The following SEC23B variants were observed in gnomAD, a reference collection of about 807,000 sequenced individuals.
The protein encoded by SEC23B is protein transport protein Sec23B.
A neutral mutation model predicts 104.3 loss-of-function variants in SEC23B; 77 were observed. The observed-to-expected ratio is 0.74, with a 90% CI of 0.61 to 0.89. The LOEUF (loss-of-function observed/expected upper bound fraction) is 0.89. SEC23B is among the 40% of genes least tolerant of loss of function. The pLI is 0.00. For synonymous variants in SEC23B, 338 were observed against 332.5 expected, an observed-to-expected ratio of 1.02 and a Z score of -0.18; for missense variants, 885 against 949.4, an observed-to-expected ratio of 0.93 and a Z score of 0.89.
chr20:18,523,895 T>A (rs375689798), intron 4 of SEC23B, among the ~76,000 whole-genome samples: 10 of 152,300 alleles, frequency 6.6e-5, no homozygotes, highest in African/African-American at 2.4e-4. Context: ...ATATTTTTTT[T>A]TGTTAGAGAC....
intron 19 of SEC23B, among the ~76,000 whole-genome samples, chr20:18,556,335 T>G (rs2060438397): frequency 6.6e-6 from 1 of 151,500 alleles, no homozygotes; most frequent in Non-Finnish European, 1.5e-5. Context: ...TATTAGGGAC[T>G]TGAGCATTTG....
chr20:18,560,378 C>G (rs1022273372), intron 19 of SEC23B, among the ~76,000 whole-genome samples: 2 of 152,104 alleles, frequency 1.3e-5, no homozygotes, highest in African/African-American at 4.8e-5. Flanking sequence ...GGTACTTCAT[C>G]AGGACTATGG....
chr20:18,553,006 C>T (rs1378076160), intron 17 of SEC23B, among the ~76,000 whole-genome samples: 1 of 152,112 alleles, frequency 6.6e-6, no homozygotes, highest in Non-Finnish European at 1.5e-5. Context: ...GGTCTTGGAA[C>T]CAATCTCACA....
chr20:18,554,380 G>T lies in SEC23B; in HGVS notation c.2138G>T (p.Gly713Val). 1.9e-6 allele frequency: 3 copies of T among 1,614,190 alleles called. No individual in the cohort carries two copies. The highest frequency in any genetic ancestry group is 2.5e-6 in the Non-Finnish European group (3 of 1,180,044). The part of the protein sequence containing the change: ...PMPRYINTEH[G>V]GSQARFLLSK... ...CCACGTTACATCAACACGGAGCATG[G>T]AGGCAGTCAGGTGAGTGAGCTGAGT... Residue 713 changes from glycine (G) to valine (V), a missense_variant, in exon 18 of 20, where the codon GGA (glycine) becomes GTA (valine). Transcript: ENST00000650089.
chr20:18,532,781 C>T (rs748556942), intron 11 of SEC23B, 37 bp downstream of exon 11: 3 of 1,442,972 alleles, frequency 2.1e-6, no homozygotes, highest in Non-Finnish European at 2.9e-6. Context: ...ACCTCCTGCC[C>T]CGGATTTAAC....
intron 5 of SEC23B, 91 bp from the exon 6 acceptor site, chr20:18,524,844 C>A (rs2060120283): frequency 7.0e-7 from 1 of 1,429,304 alleles, no homozygotes; most frequent in East Asian, 2.4e-5. Context: ...AGGCACATGC[C>A]ACCACACCCA....
intron 7 of SEC23B, 113 bp downstream of exon 7, chr20:18,526,045 T>A: frequency 7.9e-7 from 1 of 1,269,202 alleles, no homozygotes; most frequent in Non-Finnish European, 1.1e-6. Context: ...TCTGTGTTAA[T>A]GTATCAGAAA....
rs2060484177 is a variant in SEC23B, at chr20:18,560,662, A to G, written c.2226A>G (p.Ala742=). 1 of 1,613,530 alleles carries G rather than the reference A, an allele frequency of 6.2e-7. No homozygotes were observed. The highest frequency in any genetic ancestry group is 8.5e-7 in the Non-Finnish European group (1 of 1,179,586). ...TCATTACATTTCAGGAAACTGGAGC[A>G]CCCATCCTAACTGATGATGTTAGCC... The part of the protein sequence containing the change: ...NLYAWGQETG[A]PILTDDVSLQ... The change falls in exon 20 of 20, where the codon GCA becomes GCG. Residue 742 remains alanine, a synonymous_variant. Transcript: ENST00000650089.
At chr20:18,512,847 C>G (rs1020801947) in intron 3 of SEC23B, among the ~76,000 whole-genome samples, 14 of 152,092 alleles carry the variant, frequency 9.2e-5, no homozygotes, top group Non-Finnish European at 2.1e-4. Context: ...GTCAAGAAAT[C>G]GAGACCATTC....
chr20:18,537,404 G>A (rs1192576668), intron 12 of SEC23B, among the ~76,000 whole-genome samples: 1 of 151,612 alleles, frequency 6.6e-6, no homozygotes, highest in African/African-American at 2.4e-5. Context: ...GGAATACTAT[G>A]CAGCCATAAA....
chr20:18,539,509 CAAA>C (rs1187687497), intron 12 of SEC23B, among the ~76,000 whole-genome samples: 7 of 57,130 alleles, frequency 1.2e-4, no homozygotes, highest in African/African-American at 1.9e-4. Flanking sequence ...GACTCCGTCT[CAAA>C]AAAAAAAAAA....
At chr20:18,518,666 G>A (rs1388774428) in intron 4 of SEC23B, among the ~76,000 whole-genome samples, 1 of 144,778 alleles carries the variant, frequency 6.9e-6, no homozygotes, top group African/African-American at 2.5e-5. Context: ...CAGTGGGAGA[G>A]TAAACAGGAG....
In SEC23B at chr20:18,527,554, C is replaced by G. The variant is rs951912875; in HGVS notation, c.1052C>G (p.Ala351Gly). 1 of 1,613,744 alleles carries G rather than the reference C, an allele frequency of 6.2e-7. No homozygotes were observed. Among genetic ancestry groups the G allele is most frequent in the Admixed American group, 1.7e-5 (1 of 60,032 alleles). ...AATGGTCACTGCATTGATATTTATG[C>G]TTGTGCCCTTGATCAAACTGGACTT... ...AANGHCIDIY[A>G]CALDQTGLLE... The change falls in exon 9 of 20, where the codon GCT (alanine) becomes GGT (glycine). Residue 351 changes from alanine (A) to glycine (G), a missense_variant. Physicochemically the swap from Ala to Gly is moderately conservative, Grantham distance 60. Coordinates refer to ENST00000650089, the MANE Select transcript of SEC23B (RefSeq NM_006363.6).
intron 12 of SEC23B, among the ~76,000 whole-genome samples, chr20:18,538,496 G>A (rs567432753): frequency 1.2e-4 from 18 of 151,852 alleles, no homozygotes; most frequent in South Asian, 2.1e-4. Context: ...CTCGTGATCC[G>A]CACGTCTCTG....
At chr20:18,543,876 A>T (rs143518249) in intron 14 of SEC23B, among the ~76,000 whole-genome samples, 1 of 152,214 alleles carries the variant, frequency 6.6e-6, no homozygotes, top group Non-Finnish European at 1.5e-5. Flanking sequence ...AGCTGTGTAT[A>T]GGAAAATGTC....
At chr20:18,559,337 T>A (rs553297823) in intron 19 of SEC23B, among the ~76,000 whole-genome samples, 1 of 152,166 alleles carries the variant, frequency 6.6e-6, no homozygotes, top group Admixed American at 6.5e-5. Context: ...GAGGGACATA[T>A]ATTTTGCCAG....
rs2281577 is a variant in SEC23B, at chr20:18,525,515, T to C, written c.690-273T>C. Among the ~76,000 whole-genome samples the C allele has an allele frequency of 0.68, 103,591 of 152,194 alleles. 36,706 individuals are homozygous for C. The highest frequency in any genetic ancestry group is 0.8 in the Non-Finnish European group (54,152 of 68,022). ...GCATGTCCTTAGGATTTTTTTGCTG[T>C]CTAAAAATTAATTAAACTGAATTGC... On this transcript the variant is annotated intron_variant, in intron 6 of 19. Transcript: ENST00000650089.
chr20:18,522,927 C>T (rs894180582), intron 4 of SEC23B, among the ~76,000 whole-genome samples: 2 of 151,834 alleles, frequency 1.3e-5, no homozygotes, highest in Non-Finnish European at 2.9e-5. Flanking sequence ...ATTAGCCGGG[C>T]GTGGTGGTGG....
chr20:18,542,003 C>T (rs530458386), intron 12 of SEC23B, among the ~76,000 whole-genome samples: 2 of 152,286 alleles, frequency 1.3e-5, no homozygotes, highest in East Asian at 3.9e-4. Flanking sequence ...TTCATCAATC[C>T]ATCTTCGTTT....
Sources: allele counts gnomAD v4.1 joint callset (sites outside exome capture counted in the v4.1 genomes callset), GRCh38; gene constraint gnomAD v4.1.1; transcripts MANE v1.5; gene names NCBI Gene and HGNC (gene_info 2026-07-23, HGNC 2026-07-21).